Variants in GPM6B observed in about 807,000 individuals in gnomAD.
GPM6B encodes glycoprotein M6B, also known as neuronal membrane glycoprotein M6-b.
GPM6B carries 4 observed loss-of-function variants against 27.2 expected under a neutral mutation model. The ratio of observed to expected loss-of-function variants is 0.15; its 90% CI spans 0.07 to 0.34. The LOEUF is 0.34. Ranked by LOEUF, GPM6B falls within the 10% of genes least tolerant of loss-of-function variation. GPM6B has a pLI of 1.00. For synonymous variants in GPM6B, 124 were observed against 103.1 expected (o/e 1.20, Z -1.23); for missense variants, 183 against 261.9 (o/e 0.70, Z 2.08).
intron 1 of GPM6B, among the ~76,000 whole-genome samples, 156 bp downstream of exon 1, chrX:13,816,688 C>T (rs1603043787): frequency 1.8e-5 from 2 of 111,476 alleles, no homozygotes; most frequent in East Asian, 5.6e-4. Flanking sequence ...ATTAACTTAA[C>T]ATCAGCCCAC....
intron 1 of GPM6B, among the ~76,000 whole-genome samples, chrX:13,826,186 G>A (rs2049369904): frequency 9.0e-6 from 1 of 110,732 alleles, no homozygotes; most frequent in Non-Finnish European, 1.9e-5. Flanking sequence ...GTCTTAGTGA[G>A]GTAGGTGGAT....
chrX:13,786,071 A>G (rs1254951234), intron 2 of GPM6B, among the ~76,000 whole-genome samples: 4 of 112,641 alleles, frequency 3.6e-5, no homozygotes, highest in Non-Finnish European at 7.5e-5. Context: ...CAGAGCAGTC[A>G]ATTGACAAAG....
At chrX:13,779,030 C>T (rs1177904773) in intron 5 of GPM6B, among the ~76,000 whole-genome samples, 1 of 110,885 alleles carries the variant, frequency 9.0e-6, no homozygotes, top group Non-Finnish European at 1.9e-5. Flanking sequence ...GAAAGCTATT[C>T]CCCCCCACCC....
chrX:13,905,474 T>C lies in GPM6B; in HGVS notation c.-198+32853A>G, dbSNP rs6633412. Among the ~76,000 whole-genome samples the C allele has an allele frequency of 2.7e-3, 301 of 110,990 alleles. 1 individual carries two copies. Among genetic ancestry groups the C allele is most frequent in the African/African-American group, 9.5e-3 (289 of 30,523 alleles). ...TTTCAGAGTGAGCTACCTTGTAAAATGCCAAACTCGCCCGTGGTGCTAAGA... is the reference window on the plus strand; with the variant it reads ...TTTCAGAGTGAGCTACCTTGTAAAACGCCAAACTCGCCCGTGGTGCTAAGA... On this transcript the variant is annotated intron_variant, in intron 1 of 6. Coordinates refer to the GPM6B transcript ENST00000398361.
At chrX:13,935,061 A>C (rs1223864128) in intron 1 of GPM6B, among the ~76,000 whole-genome samples, 1 of 111,879 alleles carries the variant, frequency 8.9e-6, no homozygotes, top group Non-Finnish European at 1.9e-5. Flanking sequence ...TCTAGACCAA[A>C]ATTTTTTATA....
intron 1 of GPM6B, among the ~76,000 whole-genome samples, chrX:13,909,347 C>T (rs2050358269): frequency 9.0e-6 from 1 of 110,574 alleles, no homozygotes; most frequent in Non-Finnish European, 1.9e-5. Context: ...TGGTCTCAAA[C>T]TCCTGTCCTC....
chrX:13,779,037 A>AC (rs1265456522), intron 5 of GPM6B, among the ~76,000 whole-genome samples: 1 of 108,130 alleles, frequency 9.2e-6, no homozygotes, highest in African/African-American at 3.4e-5. Flanking sequence ...ATTCCCCCCC[A>AC]CCCCCGGTTG....
intron 1 of GPM6B, among the ~76,000 whole-genome samples, chrX:13,867,665 C>G (rs5934135): frequency 0.44 from 48,150 of 110,322 alleles, 8,865 homozygotes; most frequent in Non-Finnish European, 0.59. Flanking sequence ...GTGAGGCCAA[C>G]CCATTCAACA....
chrX:13,798,334 A>G (rs747948119), intron 2 of GPM6B, among the ~76,000 whole-genome samples: 1 of 108,610 alleles, frequency 9.2e-6, no homozygotes, highest in Admixed American at 9.9e-5. Flanking sequence ...AGCAAGGGTC[A>G]GGGAGGCCTT....
At chrX:13,805,901 G>A (rs189119236) in intron 2 of GPM6B, among the ~76,000 whole-genome samples, 12 of 111,387 alleles carry the variant, frequency 1.1e-4, no homozygotes, top group Admixed American at 9.5e-4. Flanking sequence ...AGTTGTTTCT[G>A]ATAACTTGGG....
intron 1 of GPM6B, among the ~76,000 whole-genome samples, chrX:13,873,824 T>C (rs1041443852): frequency 8.9e-6 from 1 of 112,195 alleles, no homozygotes; most frequent in Non-Finnish European, 1.9e-5. Flanking sequence ...CAAACATTTA[T>C]ATTTAAAAAT....
rs2049553370 is a variant in GPM6B at position 13,840,041 on chromosome X, G to A, written c.-197-54233C>T. ...TAGACCCACAGAAATGTAGTCAACT[G>A]GCTTTTGACAAAGGTGTTTAGATAC... On this transcript the variant is annotated intron_variant, in intron 1 of 6. Coordinates refer to the GPM6B transcript ENST00000398361. Among the ~76,000 whole-genome samples the A allele has an allele frequency of 2.7e-5, 3 of 111,796 alleles. No homozygotes were observed. The Admixed American group carries it at 2.8e-4, about 11-fold the overall frequency.
At chrX:13,819,615 G>A (rs191080694), upstream of GPM6B, among the ~76,000 whole-genome samples, 150 of 112,237 alleles carry the variant, frequency 1.3e-3, no homozygotes, top group African/African-American at 4.4e-3. Flanking sequence ...ATGTTTGTAA[G>A]TCTTCTGTAT....
intron 1 of GPM6B, among the ~76,000 whole-genome samples, chrX:13,848,486 G>A (rs988710249): frequency 8.9e-6 from 1 of 112,114 alleles, no homozygotes; most frequent in Admixed American, 9.4e-5. Context: ...GTGTAAGATA[G>A]CAGATATGCA....
intron 4 of GPM6B, 40 bp from the exon 5 acceptor site, chrX:13,780,029 AGG>A: frequency 1.4e-5 from 15 of 1,083,455 alleles, no homozygotes; most frequent in Non-Finnish European, 1.8e-5. Context: ...TCACTGAAAC[AGG>A]TAGATGTGTG....
rs946599498 is a variant in GPM6B, at chrX:13,772,061, G to T, written c.*820C>A. The T allele has an allele frequency of 8.9e-6, 1 of 112,265 alleles. No individual in the cohort carries two copies. Among genetic ancestry groups the T allele is most frequent in the African/African-American group, 3.2e-5 (1 of 30,838 alleles). The allele number at this position is 112,265 out of a possible 1,213,427, so 9.3% of individuals were successfully genotyped here. On this transcript the variant is annotated 3_prime_UTR_variant, in exon 8 of 8. Coordinates refer to ENST00000316715, the MANE Select transcript of GPM6B (RefSeq NM_001001995.3). Reference sequence around the variant, plus strand: ...ATTTATGGAACAAAATTCTGTGAAAGATATTTGGGTCTCTAGTTATGATAT... The same window carrying T: ...ATTTATGGAACAAAATTCTGTGAAATATATTTGGGTCTCTAGTTATGATAT...
At chrX:13,822,302 TTTC>T (rs1305315974), upstream of GPM6B, among the ~76,000 whole-genome samples, 5 of 112,355 alleles carry the variant, frequency 4.5e-5, no homozygotes, top group East Asian at 1.1e-3. Flanking sequence ...CACAGCAATT[TTTC>T]TTTTTTCTAA....
intron 1 of GPM6B, among the ~76,000 whole-genome samples, chrX:13,841,060 A>C (rs1180635621): frequency 8.9e-6 from 1 of 112,646 alleles, no homozygotes; most frequent in African/African-American, 3.2e-5. Flanking sequence ...TTAGACGTTC[A>C]TATATGAATA....
upstream of GPM6B, among the ~76,000 whole-genome samples, chrX:13,820,932 A>G (rs767581138): frequency 9.0e-6 from 1 of 111,584 alleles, no homozygotes; most frequent in South Asian, 3.8e-4. Flanking sequence ...TTTAAATGTA[A>G]AGGTAAAGGA....
Sources: gnomAD v4.1 joint callset for allele counts (sites outside exome capture counted in the v4.1 genomes callset) on GRCh38, gnomAD v4.1.1 for gene constraint, MANE v1.5 for transcripts, NCBI Gene and HGNC (gene_info 2026-07-23, HGNC 2026-07-21) for gene names.